MCUB: variants seen among roughly 807,000 people sequenced by gnomAD.
The protein encoded by MCUB is calcium uniporter regulatory subunit MCUb, mitochondrial.
Under a neutral mutation model 41.4 loss-of-function variants are expected in MCUB, and 46 were observed. The observed-to-expected ratio is 1.11, with a 90% confidence interval of 0.88 to 1.42. MCUB has a LOEUF of 1.42. MCUB is among the 40% of genes most tolerant of loss of function. The pLI is 0.00. For synonymous variants in MCUB, 148 were observed against 148.2 expected, an observed-to-expected ratio of 1.00 and a Z score of 0.01; for missense variants, 403 against 404.9, an observed-to-expected ratio of 1.00 and a Z score of 0.04.
intron 1 of MCUB, among the ~76,000 whole-genome samples, chr4:109,565,601 TAAAA>T (rs764825953): frequency 2.6e-5 from 4 of 152,134 alleles, no homozygotes; most frequent in Non-Finnish European, 5.9e-5. Context: ...GTAAATGCGA[TAAAA>T]AAAGATTCTT....
At chr4:109,608,673 G>GC (rs1554017325) in intron 1 of MCUB, among the ~76,000 whole-genome samples, 1 of 145,564 alleles carries the variant, frequency 6.9e-6, no homozygotes. Context: ...TATTATTATT[G>GC]TTTTTTTTTT....
intron 1 of MCUB, among the ~76,000 whole-genome samples, chr4:109,609,297 T>A (rs575608834): frequency 6.6e-6 from 1 of 152,270 alleles, no homozygotes; most frequent in Admixed American, 6.5e-5. Context: ...TGGTTGCCCA[T>A]TTTTATGGTT....
chr4:109,613,302 G>T (rs563880237), intron 1 of MCUB, among the ~76,000 whole-genome samples: 1 of 152,096 alleles, frequency 6.6e-6, no homozygotes, highest in Non-Finnish European at 1.5e-5. Flanking sequence ...GCTCAAAATG[G>T]CACACATTTA....
chr4:109,629,689 A>T (rs749544334), intron 1 of MCUB, among the ~76,000 whole-genome samples: 6 of 152,220 alleles, frequency 3.9e-5, no homozygotes, highest in Non-Finnish European at 7.3e-5. Context: ...ATTACAAAGG[A>T]TACAGATGGA....
chr4:109,579,215 C>T (rs1220186241), intron 1 of MCUB, among the ~76,000 whole-genome samples: 1 of 151,646 alleles, frequency 6.6e-6, no homozygotes, highest in African/African-American at 2.4e-5. Context: ...CTTTTTCCTC[C>T]ATAGCATATT....
chr4:109,654,311 T>C lies in MCUB; in HGVS notation c.100-4700T>C, dbSNP rs902305476. 2.6e-5 allele frequency among the ~76,000 whole-genome samples: 4 copies of C among 152,298 alleles called. No individual in the cohort carries two copies. In the South Asian group the frequency reaches 6.2e-4, roughly 24 times the overall value. On this transcript the variant is annotated intron_variant, in intron 1 of 7. Coordinates refer to ENST00000394650, the MANE Select transcript of MCUB (RefSeq NM_017918.5). ...ATCCCTGTCCTGGATGTTATAGTGA[T>C]ACTTAAGATCATATATCAGCCAGGT...
intron 1 of MCUB, among the ~76,000 whole-genome samples, chr4:109,639,161 A>G (rs1169691369): frequency 6.6e-6 from 1 of 152,194 alleles, no homozygotes; most frequent in Non-Finnish European, 1.5e-5. Flanking sequence ...AGGAATCACT[A>G]TCTATGGCAG....
chr4:109,684,488 C>G lies in MCUB; in HGVS notation c.658C>G (p.Leu220Val), dbSNP rs1729790287. 1.9e-6 allele frequency: 3 copies of G among 1,613,748 alleles called. No homozygotes were observed. The highest frequency in any genetic ancestry group is 2.5e-6 in the Non-Finnish European group (3 of 1,179,934). ...EAHSEAKTSG[L>V]LWAGLALLSI... ...TCATTCGGAAGCCAAAACCAGTGGACTCCTGTGGGCTGGATTGGCACTGCT... is the reference window on the plus strand; with the variant it reads ...TCATTCGGAAGCCAAAACCAGTGGAGTCCTGTGGGCTGGATTGGCACTGCT... Residue 220 changes from leucine to valine, a missense_variant, in exon 6 of 8, where the codon CTC (leucine) becomes GTC (valine). Coordinates refer to ENST00000394650, the MANE Select transcript of MCUB (RefSeq NM_017918.5).
intron 1 of MCUB, among the ~76,000 whole-genome samples, chr4:109,643,402 C>T (rs774274198): frequency 1.7e-4 from 26 of 151,818 alleles, no homozygotes; most frequent in Non-Finnish European, 3.1e-4. Flanking sequence ...CCAGGCTGGT[C>T]TCCAACTCCT....
At chr4:109,648,471 T>A in intron 1 of MCUB, 1 of 324,538 alleles carries the variant, frequency 3.1e-6, no homozygotes, top group Non-Finnish European at 6.0e-6. Context: ...ATTCTGTTTC[T>A]GTTCTGTTTC....
At chr4:109,565,611 T>G (rs1183930779) in intron 1 of MCUB, among the ~76,000 whole-genome samples, 4 of 152,178 alleles carry the variant, frequency 2.6e-5, no homozygotes, top group Admixed American at 6.5e-5. Context: ...TAAAAAAAGA[T>G]TCTTCTAGAA....
chr4:109,682,965 T>A, intron 5 of MCUB: 1 of 419,990 alleles, frequency 2.4e-6, no homozygotes, highest in Non-Finnish European at 4.3e-6. Context: ...GGACTTGAGC[T>A]CACGTGGCCT....
chr4:109,633,787 C>G (rs1198152744), intron 1 of MCUB, among the ~76,000 whole-genome samples: 2 of 152,106 alleles, frequency 1.3e-5, no homozygotes, highest in Non-Finnish European at 2.9e-5. Context: ...CATGTAGATT[C>G]TCTTCCTTTG....
At chr4:109,622,830 A>G (rs1262910703) in intron 1 of MCUB, among the ~76,000 whole-genome samples, 1 of 152,184 alleles carries the variant, frequency 6.6e-6, no homozygotes, top group East Asian at 1.9e-4. Flanking sequence ...GGTTAGCAAT[A>G]TGCAGTACAA....
At chr4:109,659,419 A>G (rs1184764402) in intron 2 of MCUB, among the ~76,000 whole-genome samples, 3 of 152,068 alleles carry the variant, frequency 2.0e-5, no homozygotes, top group Admixed American at 1.3e-4. Flanking sequence ...GCAAAACCCC[A>G]TCTCTACAAA....
Position 109,659,070 on chromosome 4 carries a change from C to T in MCUB, c.159C>T (p.Thr53=), listed in dbSNP as rs752396801. 6 of 1,513,398 alleles carry T rather than the reference C, an allele frequency of 4.0e-6. No individual in the cohort carries two copies. Among genetic ancestry groups the T allele is most frequent in the South Asian group, 1.2e-5 (1 of 83,204 alleles). The allele number at this position is 1,513,398 out of a possible 1,614,324, so 93.7% of individuals were successfully genotyped here. ...ACTACCAGTCACACCATTATAGTACCGTGGTGCCACCTGATGGTAAGCTTT... is the reference window on the plus strand; with the variant it reads ...ACTACCAGTCACACCATTATAGTACTGTGGTGCCACCTGATGGTAAGCTTT... The part of the protein sequence containing the change: ...VKYYQSHHYS[T]VVPPDEITVI... The change falls in exon 2 of 8, where the codon ACC becomes ACT. Residue 53 remains threonine (T), a synonymous_variant. Transcript: ENST00000394650.
intron 1 of MCUB, among the ~76,000 whole-genome samples, chr4:109,573,942 G>A (rs1420907819): frequency 7.0e-6 from 1 of 143,152 alleles, no homozygotes; most frequent in African/African-American, 2.7e-5. Flanking sequence ...GCGCAATCTC[G>A]GCTCACTGCA....
intron 3 of MCUB, 143 bp downstream of exon 3, chr4:109,660,508 A>G: frequency 2.0e-6 from 1 of 503,670 alleles, no homozygotes; most frequent in East Asian, 3.3e-5. Context: ...ATTTTTATGC[A>G]TCAACACTAT....
intron 4 of MCUB, among the ~76,000 whole-genome samples, chr4:109,673,584 G>A (rs1729506996): frequency 6.6e-6 from 1 of 152,144 alleles, no homozygotes; most frequent in Admixed American, 6.5e-5. Context: ...CAATGGCAGA[G>A]GAATCATACT....
Sources: allele counts gnomAD v4.1 joint callset (sites outside exome capture counted in the v4.1 genomes callset), GRCh38; gene constraint gnomAD v4.1.1; transcripts MANE v1.5; gene names NCBI Gene and HGNC (gene_info 2026-07-23, HGNC 2026-07-21).